NAV2: variants seen among roughly 807,000 people sequenced by gnomAD.
NAV2 encodes the protein helicase, APC down-regulated 1.
Under a neutral mutation model 223.2 loss-of-function variants are expected in NAV2, and 54 were observed. The observed-to-expected ratio is 0.24, with a 90% CI of 0.19 to 0.30. The LOEUF (loss-of-function observed/expected upper bound fraction) is 0.30, where lower values mean the gene tolerates loss of function less well. Among genes scored for constraint, NAV2 ranks in the 10% least tolerant of loss-of-function variants. NAV2 has a pLI of 1.00. For missense variants in NAV2, 2,806 were observed against 3,147.5 expected, an observed-to-expected ratio of 0.89 and a Z score of 2.60; for synonymous variants, 1,279 against 1,239.3, an observed-to-expected ratio of 1.03 and a Z score of -0.67.
chr11:19,485,863 T>C (rs1051017763), intron 1 of NAV2, among the ~76,000 whole-genome samples: 1 of 152,088 alleles, frequency 6.6e-6, no homozygotes, highest in African/African-American at 2.4e-5. Flanking sequence ...ACATGACTTG[T>C]TTCCCAATTG....
At chr11:19,706,676 C>T (rs1250494137) in intron 1 of NAV2, among the ~76,000 whole-genome samples, 1 of 152,208 alleles carries the variant, frequency 6.6e-6, no homozygotes, top group Non-Finnish European at 1.5e-5. Context: ...TGCTCTCCAT[C>T]ATAATGCCCA....
chr11:19,468,271 T>C (rs751979182), intron 1 of NAV2, among the ~76,000 whole-genome samples: 10 of 152,232 alleles, frequency 6.6e-5, no homozygotes. Context: ...TTCTGAGAGC[T>C]GCTGTAACAA....
chr11:20,068,073 C>A, intron 20 of NAV2, 113 bp from the exon 21 acceptor site: 2 of 983,636 alleles, frequency 2.0e-6, no homozygotes, highest in Admixed American at 2.0e-5. Flanking sequence ...AGAAAAGAAA[C>A]TAATAATTCT....
At chr11:20,039,236 A>G (rs901957738) in intron 12 of NAV2, among the ~76,000 whole-genome samples, 1 of 152,236 alleles carries the variant, frequency 6.6e-6, no homozygotes, top group Non-Finnish European at 1.5e-5. Context: ...CCTTGGATGA[A>G]CTAAGCACTC....
At chr11:20,035,360 G>C (rs956598591) in intron 11 of NAV2, among the ~76,000 whole-genome samples, 2 of 152,158 alleles carry the variant, frequency 1.3e-5, no homozygotes, top group Non-Finnish European at 2.9e-5. Flanking sequence ...TAGGCAGCTT[G>C]GGACTGACCT....
intron 10 of NAV2, among the ~76,000 whole-genome samples, chr11:19,978,305 T>G (rs1451582066): frequency 6.6e-6 from 1 of 152,166 alleles, no homozygotes; most frequent in Admixed American, 6.5e-5. Context: ...AGAGAATGAA[T>G]GTCACACTGT....
chr11:19,937,732 A>G (rs1420556782), intron 7 of NAV2, among the ~76,000 whole-genome samples: 2 of 152,186 alleles, frequency 1.3e-5, no homozygotes, highest in African/African-American at 4.8e-5. Context: ...AGACTTAAAC[A>G]TTTCTTATTT....
At chr11:19,441,450 A>ACG (rs1248565611) in intron 1 of NAV2, among the ~76,000 whole-genome samples, 3 of 142,352 alleles carry the variant, frequency 2.1e-5, no homozygotes, top group African/African-American at 8.1e-5. Flanking sequence ...ACACACACGC[A>ACG]CACACACACA....
At chr11:19,725,049 G>A (rs905916365) in intron 1 of NAV2, among the ~76,000 whole-genome samples, 30 of 152,360 alleles carry the variant, frequency 2.0e-4, no homozygotes, top group African/African-American at 6.3e-4. Context: ...ATGTAAAAGT[G>A]TGAGGCAGAT....
At chr11:19,579,671 AG>A (rs2135004587) in intron 1 of NAV2, among the ~76,000 whole-genome samples, 1 of 152,368 alleles carries the variant, frequency 6.6e-6, no homozygotes, top group Non-Finnish European at 1.5e-5. Flanking sequence ...GATATGTGTT[AG>A]GTATTTAGAG....
Position 20,119,935 on chromosome 11 carries a change from C to G in NAV2, c.*1677C>G, listed in dbSNP as rs191749440. On this transcript the variant is annotated 3_prime_UTR_variant, in exon 38 of 38. Transcript: ENST00000349880. ...AAAAGTTTCTACAAGTCTACATGAC[C>G]TTGCTGATACTTGTTCTAATAGAAA... is the stretch of plus-strand genomic sequence containing the variant. 7 of 152,286 alleles carry G rather than the reference C, an allele frequency of 4.6e-5. No homozygotes were observed. The highest frequency in any genetic ancestry group is 4.6e-4 in the Admixed American group (7 of 15,300). 9.4% of individuals were successfully genotyped at this position (152,286 alleles called of 1,614,324 possible). A position where few individuals can be genotyped will look rare whatever the true frequency, so the allele number is the denominator to read the frequency against.
At chr11:19,798,352 C>G (rs927196925) in intron 1 of NAV2, among the ~76,000 whole-genome samples, 21 of 152,194 alleles carry the variant, frequency 1.4e-4, no homozygotes, top group African/African-American at 5.1e-4. Context: ...TTGCAGTTCT[C>G]CAAGCATCTG....
At chr11:19,651,335 C>T (rs2047963360) in intron 1 of NAV2, among the ~76,000 whole-genome samples, 1 of 152,216 alleles carries the variant, frequency 6.6e-6, no homozygotes, top group Non-Finnish European at 1.5e-5. Context: ...TTTCAACCTG[C>T]TAGGCCCCAA....
At chr11:20,001,680 G>A (rs1424712029) in intron 11 of NAV2, among the ~76,000 whole-genome samples, 2 of 134,196 alleles carry the variant, frequency 1.5e-5, no homozygotes, top group African/African-American at 5.6e-5. Flanking sequence ...ACAGGAAGGG[G>A]AACATCACAT....
intron 1 of NAV2, among the ~76,000 whole-genome samples, chr11:19,576,842 A>G (rs1309096796): frequency 6.6e-6 from 1 of 152,162 alleles, no homozygotes; most frequent in Admixed American, 6.5e-5. Flanking sequence ...GACACACAGC[A>G]TTGGATGGAA....
chr11:20,101,120 A>G lies in NAV2; in HGVS notation c.6365A>G (p.Glu2122Gly), dbSNP rs751452703. 3 of 1,614,092 alleles carry G rather than the reference A, an allele frequency of 1.9e-6. No homozygotes were observed. Among genetic ancestry groups the G allele is most frequent in the South Asian group, 2.2e-5 (2 of 91,068 alleles). ...SEYIVLREGR[E>G]LTDGVIATFN... ...TATATAGTGCTTCGAGAGGGACGGG[A>G]GTTGACAGACGGGGTTATCGCCACC... Residue 2122 changes from glutamate (E) to glycine (G), a missense_variant, in exon 32 of 38, where the codon GAG becomes GGG. Around this residue, in one of 4 missense-constraint regions of NAV2, gnomAD observed 824 missense variants for 1,069.4 expected, o/e 0.77. Coordinates refer to ENST00000349880, the MANE Select transcript of NAV2 (RefSeq NM_145117.5).
intron 1 of NAV2, among the ~76,000 whole-genome samples, chr11:19,726,474 CT>C (rs2051266265): frequency 6.6e-6 from 1 of 152,204 alleles, no homozygotes; most frequent in Admixed American, 6.5e-5. Flanking sequence ...CATGGAATGT[CT>C]TCCCCAGATA....
chr11:19,704,024 G>A (rs572227494), intron 1 of NAV2, among the ~76,000 whole-genome samples: 8 of 151,866 alleles, frequency 5.3e-5, no homozygotes, highest in African/African-American at 1.9e-4. Flanking sequence ...TTTTTTTTGG[G>A]GGGGTGGAAG....
chr11:20,023,224 G>A, intron 11 of NAV2: 1 of 1,212,848 alleles, frequency 8.2e-7, no homozygotes, highest in Admixed American at 2.1e-5. Flanking sequence ...AAAGCCTGGT[G>A]GAGCAGCCTG....
Sources: gnomAD v4.1 joint callset for allele counts (sites outside exome capture counted in the v4.1 genomes callset) on GRCh38, gnomAD v4.1.1 for gene constraint, gnomAD v4.1.1 regional missense constraint, MANE v1.5 for transcripts, NCBI Gene and HGNC (gene_info 2026-07-23, HGNC 2026-07-21) for gene names.